The following TLL2 variants were observed in gnomAD, a reference collection of about 807,000 sequenced individuals.
TLL2 encodes tolloid-like protein 2.
TLL2 carries 106 observed loss-of-function variants against 123.0 expected under a neutral mutation model. The ratio of observed to expected loss-of-function variants is 0.86; its 90% CI spans 0.74 to 1.01. TLL2 has a LOEUF of 1.01. TLL2 is among the 50% of genes least tolerant of loss of function. The pLI, the probability that TLL2 is intolerant of heterozygous loss-of-function variation, is 0.00. For synonymous variants in TLL2, 494 were observed against 516.8 expected, an observed-to-expected ratio of 0.96 and a Z score of 0.60; for missense variants, 1,332 against 1,336.7, an observed-to-expected ratio of 1.00 and a Z score of 0.06.
At chr10:96,421,848 C>A (rs1589418598) in intron 6 of TLL2, among the ~76,000 whole-genome samples, 1 of 151,262 alleles carries the variant, frequency 6.6e-6, no homozygotes, top group African/African-American at 2.4e-5. Flanking sequence ...AAAAAACAAA[C>A]AAAAAAAACA....
chr10:96,451,666 G>A (rs1846960890), intron 2 of TLL2, among the ~76,000 whole-genome samples: 1 of 152,000 alleles, frequency 6.6e-6, no homozygotes, highest in Non-Finnish European at 1.5e-5. Context: ...TTGTTTGCAG[G>A]TACTTCACAT....
chr10:96,443,902 T>G (rs1846871859), intron 3 of TLL2, among the ~76,000 whole-genome samples: 1 of 152,168 alleles, frequency 6.6e-6, no homozygotes. Context: ...ACAAGCTGTA[T>G]AGCTAAGAAA....
At chr10:96,371,991 A>G (rs1846088593) in intron 19 of TLL2, among the ~76,000 whole-genome samples, 1 of 152,068 alleles carries the variant, frequency 6.6e-6, no homozygotes, top group South Asian at 2.1e-4. Context: ...TGGTGGCTTC[A>G]TTGTCCTACA....
chr10:96,484,489 T>A (rs1847339221), intron 1 of TLL2, among the ~76,000 whole-genome samples: 1 of 152,040 alleles, frequency 6.6e-6, no homozygotes, highest in East Asian at 1.9e-4. Context: ...CTCGCACATA[T>A]TACTCAACCT....
intron 10 of TLL2, among the ~76,000 whole-genome samples, chr10:96,400,357 CAAAA>C (rs55975748): frequency 0.021 from 2,291 of 109,888 alleles, 15 homozygotes; most frequent in Admixed American, 0.031. Flanking sequence ...CTACTACCAT[CAAAA>C]AAAAAAAAAA....
chr10:96,476,918 C>G (rs577870717), intron 2 of TLL2, among the ~76,000 whole-genome samples: 1 of 149,562 alleles, frequency 6.7e-6, no homozygotes, highest in Non-Finnish European at 1.5e-5. Flanking sequence ...ACACACACAG[C>G]CTGAGCACAT....
chr10:96,454,030 C>T (rs1846986444), intron 2 of TLL2, among the ~76,000 whole-genome samples: 1 of 152,042 alleles, frequency 6.6e-6, no homozygotes, highest in Non-Finnish European at 1.5e-5. Flanking sequence ...CACACACACA[C>T]ACACACATAT....
chr10:96,413,282 C>T lies in TLL2; in HGVS notation c.958G>A (p.Asp320Asn). ...ATGGTTGGCCTGACGCCATTGTCAT[C>T]TTGACGGGGAAGGATGGTGTCTAAG... Reference protein sequence around the residue: ...VFLDTILPRQDDNGVRPTIGQ... With the variant: ...VFLDTILPRQNDNGVRPTIGQ... Residue 320 changes from aspartate (D) to asparagine (N), a missense_variant, in exon 8 of 21, where the codon GAT becomes AAT. Asp to Asn is a conservative substitution (Grantham distance 23). Transcript: ENST00000357947. The T allele has an allele frequency of 7.4e-6, 12 of 1,614,068 alleles. No homozygotes were observed. The highest frequency in any genetic ancestry group is 1.0e-5 in the Non-Finnish European group (12 of 1,179,940).
At chr10:96,464,579 C>T (rs189827443) in intron 2 of TLL2, among the ~76,000 whole-genome samples, 16 of 152,040 alleles carry the variant, frequency 1.1e-4, no homozygotes, top group Admixed American at 9.8e-4. Context: ...AAGCAGAGTG[C>T]CCAGATGGCA....
chr10:96,407,882 C>T (rs912637757), intron 9 of TLL2, among the ~76,000 whole-genome samples: 1 of 152,136 alleles, frequency 6.6e-6, no homozygotes, highest in African/African-American at 2.4e-5. Flanking sequence ...CACGTGTGTG[C>T]GTGTGTGTGC....
chr10:96,493,025 T>A (rs1589436030), intron 1 of TLL2, among the ~76,000 whole-genome samples: 1 of 152,284 alleles, frequency 6.6e-6, no homozygotes, highest in East Asian at 1.9e-4. Flanking sequence ...TTCTTCCAAA[T>A]CTGGTGTTTT....
chr10:96,500,013 C>G (rs573969302), intron 1 of TLL2, among the ~76,000 whole-genome samples: 1 of 151,044 alleles, frequency 6.6e-6, no homozygotes, highest in African/African-American at 2.4e-5. Flanking sequence ...GGGTACGATG[C>G]CTCACACCTG....
rs1554939631 is a variant in TLL2, at chr10:96,476,241, T to TATATATATATTC, written c.286+4107_286+4108insGAATATATATAT. Among the ~76,000 whole-genome samples, 37 of 72,332 alleles carry TATATATATATTC rather than the reference T, an allele frequency of 5.1e-4. 1 individual carries two copies. The highest frequency in any genetic ancestry group is 2.0e-3 in the East Asian group (3 of 1,478). 47.5% of individuals were successfully genotyped at this position (72,332 alleles called of 152,430 possible). ...TTATATGTATATATATATATATATA[T>TATATATATATTC]TTTATTTTTGTTGTTGTTGTTGTTG... On this transcript the variant is annotated intron_variant, in intron 2 of 20. Coordinates refer to ENST00000357947, the MANE Select transcript of TLL2 (RefSeq NM_012465.4).
Position 96,386,217 on chromosome 10 carries a change from T to G in TLL2, c.1853-2A>C. 6.4e-7 allele frequency: 1 copy of G among 1,569,558 alleles called. No homozygotes were observed. Among genetic ancestry groups the G allele is most frequent in the South Asian group, 1.2e-5 (1 of 83,916 alleles). On this transcript the variant is annotated splice_acceptor_variant, in intron 14 of 20. Coordinates refer to ENST00000357947, the MANE Select transcript of TLL2 (RefSeq NM_012465.4). LOFTEE classifies it high-confidence loss of function. ...TGGTAATGAAACCGCCACAGGCCAC[T>G]GCACGGGGGAAACAGAAACAGGATT...
chr10:96,402,718 C>G (rs1846408061), intron 10 of TLL2, among the ~76,000 whole-genome samples: 1 of 152,192 alleles, frequency 6.6e-6, no homozygotes, highest in Non-Finnish European at 1.5e-5. Context: ...AGCTGACTAC[C>G]TGACTGACTT....
At chr10:96,490,149 A>C (rs1847397407) in intron 1 of TLL2, among the ~76,000 whole-genome samples, 1 of 152,164 alleles carries the variant, frequency 6.6e-6, no homozygotes, top group African/African-American at 2.4e-5. Flanking sequence ...GCTAGGAACA[A>C]CCTTGATGAC....
Position 96,376,928 on chromosome 10 carries a change from T to C in TLL2, c.2321-109A>G, listed in dbSNP as rs1034041143. 1.0e-5 allele frequency: 12 copies of C among 1,174,376 alleles called. No individual in the cohort carries two copies. In the South Asian group the frequency reaches 1.4e-4, roughly 14 times the overall value. 72.7% of individuals were successfully genotyped at this position (1,174,376 alleles called of 1,614,324 possible). A position where few individuals can be genotyped will look rare whatever the true frequency, so the allele number is the denominator to read the frequency against. On this transcript the variant is annotated intron_variant, in intron 17 of 20. Coordinates refer to ENST00000357947, the MANE Select transcript of TLL2 (RefSeq NM_012465.4). ...CCTCTCTCCTAATTGTCTCAGGGTCTTTATCAAATATGGGGGTGGGGTATC... is the reference window on the plus strand; with the variant it reads ...CCTCTCTCCTAATTGTCTCAGGGTCCTTATCAAATATGGGGGTGGGGTATC...
chr10:96,420,411 C>T (rs906402429), intron 7 of TLL2, among the ~76,000 whole-genome samples: 3 of 152,240 alleles, frequency 2.0e-5, no homozygotes, highest in Non-Finnish European at 4.4e-5. Flanking sequence ...TTGAATACAG[C>T]GGCTTCCATC....
intron 10 of TLL2, among the ~76,000 whole-genome samples, chr10:96,400,357 C>CAAAA (rs55975748): frequency 1.6e-3 from 179 of 109,704 alleles, no homozygotes; most frequent in Non-Finnish European, 2.0e-3. Flanking sequence ...CTACTACCAT[C>CAAAA]AAAAAAAAAA....
Sources: gnomAD v4.1 joint callset for allele counts (sites outside exome capture counted in the v4.1 genomes callset) on GRCh38, gnomAD v4.1.1 for gene constraint, MANE v1.5 for transcripts, NCBI Gene and HGNC (gene_info 2026-07-23, HGNC 2026-07-21) for gene names.